The following CCDC9 variants were observed in gnomAD, a reference collection of about 807,000 sequenced individuals.
The protein encoded by CCDC9 is coiled-coil domain containing 9.
A neutral mutation model predicts 65.6 loss-of-function variants in CCDC9; 52 were observed. The ratio of observed to expected loss-of-function variants is 0.79; its 90% CI spans 0.63 to 1.00. The LOEUF (loss-of-function observed/expected upper bound fraction) is 1.00. Ranked by LOEUF, CCDC9 falls within the 50% of genes least tolerant of loss-of-function variation. The pLI, the probability that CCDC9 is intolerant of heterozygous loss-of-function variation, is 0.00. For synonymous variants in CCDC9, 332 were observed against 280.3 expected (o/e 1.18, Z -1.84); for missense variants, 834 against 757.2 (o/e 1.10, Z -1.19).
intron 5 of CCDC9, among the ~76,000 whole-genome samples, chr19:47,262,640 T>G (rs2059053889): frequency 6.6e-6 from 1 of 152,180 alleles, no homozygotes; most frequent in East Asian, 1.9e-4. Flanking sequence ...GCTTTATCAC[T>G]TTTGGTCATG....
intron 3 of CCDC9, among the ~76,000 whole-genome samples, chr19:47,259,396 G>A (rs1461458008): frequency 6.6e-6 from 1 of 152,108 alleles, no homozygotes; most frequent in Non-Finnish European, 1.5e-5. Flanking sequence ...GCTGTGCGGT[G>A]GTGGGTGCGA....
chr19:47,264,877 C>G lies in CCDC9; in HGVS notation c.651C>G (p.Arg217=), dbSNP rs534168821. The change falls in exon 7 of 12, where the codon CGC becomes CGG. Residue 217 remains arginine (R), a synonymous_variant. Transcript: ENST00000221922. ...AGCGGGACCGCCGGGAGGAGAGCCGCCGGCACGGCCGCAACTGGGGGGGCC... is the reference window on the plus strand; with the variant it reads ...AGCGGGACCGCCGGGAGGAGAGCCGGCGGCACGGCCGCAACTGGGGGGGCC... The part of the protein sequence containing the change: ...ESERDRREES[R]RHGRNWGGPD... The G allele has an allele frequency of 4.1e-6, 6 of 1,479,690 alleles. No homozygotes were observed. In the East Asian group the frequency reaches 1.4e-4, roughly 35 times the overall value. The allele number at this position is 1,479,690 out of a possible 1,614,324, so 91.7% of individuals were successfully genotyped here. A position where few individuals can be genotyped will look rare whatever the true frequency, so the allele number is the denominator to read the frequency against.
chr19:47,258,293 C>A (rs564206237), intron 1 of CCDC9, 37 bp from the exon 2 acceptor site: 4 of 1,171,220 alleles, frequency 3.4e-6, no homozygotes, highest in African/African-American at 1.5e-5. Flanking sequence ...GGTTGGGGGG[C>A]CATTGGCCTT....
chr19:47,272,372 A>G (rs1021726325), downstream of CCDC9, among the ~76,000 whole-genome samples: 11 of 152,112 alleles, frequency 7.2e-5, no homozygotes, highest in Admixed American at 1.3e-4. Context: ...GGCCAAGCCA[A>G]TAGGAATTTG....
At chr19:47,270,251 G>A (rs2059106628) in intron 8 of CCDC9, among the ~76,000 whole-genome samples, 156 bp from the exon 9 acceptor site, 1 of 152,144 alleles carries the variant, frequency 6.6e-6, no homozygotes, top group Non-Finnish European at 1.5e-5. Flanking sequence ...TTACAGGCTT[G>A]AGCCACCATG....
At position 47,260,336 on chromosome 19, in the gene CCDC9, C is replaced by T. The variant is rs1211054682; in HGVS notation, c.124C>T (p.Arg42Cys). ...CTGCTCCTAGGAGATTGAGGAAGACCGTAAGAAAGCTGAACTTGAGGGAGT... is the reference window on the plus strand; with the variant it reads ...CTGCTCCTAGGAGATTGAGGAAGACTGTAAGAAAGCTGAACTTGAGGGAGT... ...IRRYQEIEED[R>C]KKAELEGVAV... Residue 42 changes from arginine to cysteine, a missense_variant, in exon 4 of 12, where the codon CGT becomes TGT. Physicochemically the swap from Arg to Cys is radical, Grantham distance 180 (BLOSUM62 -3). Coordinates refer to ENST00000221922, the MANE Select transcript of CCDC9 (RefSeq NM_015603.3). 2 of 1,592,704 alleles carry T rather than the reference C, an allele frequency of 1.3e-6. No individual in the cohort carries two copies. Among genetic ancestry groups the T allele is most frequent in the Non-Finnish European group, 1.7e-6 (2 of 1,169,280 alleles).
At chr19:47,269,480 A>G (rs1240170519) in intron 8 of CCDC9, among the ~76,000 whole-genome samples, 7 of 152,042 alleles carry the variant, frequency 4.6e-5, no homozygotes, top group Admixed American at 3.3e-4. Context: ...CCTCCCGAGT[A>G]GCTGAGATTA....
intron 3 of CCDC9, 68 bp downstream of exon 3, chr19:47,258,731 C>T (rs1348384651): frequency 3.3e-6 from 4 of 1,217,216 alleles, no homozygotes; most frequent in African/African-American, 1.5e-5. Context: ...CTCACCTCTC[C>T]CTTCCTTAAA....
At chr19:47,270,157 T>TG (rs1365538239) in intron 8 of CCDC9, among the ~76,000 whole-genome samples, 1 of 151,904 alleles carries the variant, frequency 6.6e-6, no homozygotes, top group East Asian at 1.9e-4. Context: ...TTTGTAGAGG[T>TG]GGGGCTTCAC....
intron 8 of CCDC9, among the ~76,000 whole-genome samples, chr19:47,268,886 C>T (rs892499934): frequency 4.0e-5 from 6 of 151,684 alleles, no homozygotes; most frequent in African/African-American, 1.5e-4. Context: ...CCACTGCATT[C>T]CAGCCTGGGC....
Position 47,256,540 on chromosome 19 carries a change from T to G in CCDC9, c.-141T>G, listed in dbSNP as rs1292225968. Reference sequence around the variant, plus strand: ...TGGTGCAGGCAGGAAGTGACGCGCCTGGCCCGGGAGCTGCGGTCGCAGAGG... The same window carrying G: ...TGGTGCAGGCAGGAAGTGACGCGCCGGGCCCGGGAGCTGCGGTCGCAGAGG... On this transcript the variant is annotated 5_prime_UTR_variant, in exon 1 of 12. Transcript: ENST00000221922. 6.6e-6 allele frequency: 1 copy of G among 152,426 alleles called. No individual in the cohort carries two copies. The highest frequency in any genetic ancestry group is 2.4e-5 in the African/African-American group (1 of 41,432). The allele number at this position is 152,426 out of a possible 1,614,324, so 9.4% of individuals were successfully genotyped here.
rs2059010226 is a variant in CCDC9 at position 47,256,544 on chromosome 19, C to T, written c.-137C>T. ...GCAGGCAGGAAGTGACGCGCCTGGC[C>T]CGGGAGCTGCGGTCGCAGAGGCCGA... On this transcript the variant is annotated 5_prime_UTR_variant, in exon 1 of 12. Coordinates refer to ENST00000221922, the MANE Select transcript of CCDC9 (RefSeq NM_015603.3). 6.6e-6 allele frequency: 1 copy of T among 152,464 alleles called. No homozygotes were observed. Among genetic ancestry groups the T allele is most frequent in the Non-Finnish European group, 1.5e-5 (1 of 68,200 alleles). 9.4% of individuals were successfully genotyped at this position (152,464 alleles called of 1,614,324 possible). A position where few individuals can be genotyped will look rare whatever the true frequency, so the allele number is the denominator to read the frequency against.
chr19:47,274,984 G>C, downstream of CCDC9: 1 of 1,463,834 alleles, frequency 6.8e-7, no homozygotes, highest in Non-Finnish European at 9.0e-7. Flanking sequence ...CTGAGCGAGG[G>C]CCCGCGGGGG....
At chr19:47,268,705 CAGG>C (rs911243086) in intron 8 of CCDC9, among the ~76,000 whole-genome samples, 23 of 152,086 alleles carry the variant, frequency 1.5e-4, no homozygotes, top group African/African-American at 5.5e-4. Flanking sequence ...ATCACGAGGT[CAGG>C]AGATCAAAAC....
At position 47,271,883 on chromosome 19, in the gene CCDC9, G is replaced by C; in HGVS notation, c.*205G>C. The C allele has an allele frequency of 2.2e-6, 3 of 1,340,680 alleles. No homozygotes were observed. The highest frequency in any genetic ancestry group is 2.2e-5 in the South Asian group (1 of 45,844). 83.0% of individuals were successfully genotyped at this position (1,340,680 alleles called of 1,614,324 possible). A position where few individuals can be genotyped will look rare whatever the true frequency, so the allele number is the denominator to read the frequency against. On this transcript the variant is annotated 3_prime_UTR_variant, in exon 12 of 12. Transcript: ENST00000221922. ...CTTCTGTACTGTCATGCCCGTCTCT[G>C]GAATGTCCACTCCCAGAGCCTGCCC...
rs1193336180 is a variant in CCDC9, at chr19:47,260,571, C to T, written c.211-17C>T. ...CCTGCCCCAGTGACTGTATTTTCCC[C>T]ATCTCCCCTCTTCCAGGAGAAGAAC... On this transcript the variant is annotated splice_polypyrimidine_tract_variant and intron_variant, in intron 4 of 11. Transcript: ENST00000221922. 9.8e-6 allele frequency: 15 copies of T among 1,536,080 alleles called. No homozygotes were observed. Among genetic ancestry groups the T allele is most frequent in the African/African-American group, 1.4e-5 (1 of 72,630 alleles).
intron 10 of CCDC9, 97 bp downstream of exon 10, chr19:47,270,785 T>C: frequency 7.4e-7 from 1 of 1,347,460 alleles, no homozygotes; most frequent in Non-Finnish European, 9.9e-7. Context: ...CATCTGTCTG[T>C]CCCTGTCTTT....
In CCDC9 at chr19:47,270,576, C is replaced by T. The variant is rs771751378; in HGVS notation, c.973C>T (p.Pro325Ser). 3.7e-6 allele frequency: 6 copies of T among 1,613,852 alleles called. No individual in the cohort carries two copies. In the Admixed American group the frequency reaches 1.0e-4, roughly 27 times the overall value. ...AGATGACCAGGCCTGGGCCCGGCCCCCGAAGCCCCCTACTTTTGGGGAGTT... is the reference window on the plus strand; with the variant it reads ...AGATGACCAGGCCTGGGCCCGGCCCTCGAAGCCCCCTACTTTTGGGGAGTT... ...RYDDQAWARPPKPPTFGEFLS... is the reference protein window; with the variant it reads ...RYDDQAWARPSKPPTFGEFLS... Residue 325 changes from proline (P) to serine (S), a missense_variant, in exon 10 of 12, where the codon CCG becomes TCG. Pro to Ser is a moderately conservative substitution (Grantham distance 74). Transcript: ENST00000221922.
At chr19:47,275,472 C>A, downstream of CCDC9, 1 of 1,338,500 alleles carries the variant, frequency 7.5e-7, no homozygotes, top group Non-Finnish European at 9.9e-7. Context: ...TCTCTGGAGC[C>A]GTCATCCCGC....
Sources: allele counts gnomAD v4.1 joint callset (sites outside exome capture counted in the v4.1 genomes callset), GRCh38; gene constraint gnomAD v4.1.1; transcripts MANE v1.5; gene names NCBI Gene and HGNC (gene_info 2026-07-23, HGNC 2026-07-21).